The following MUSK variants were observed in gnomAD, a reference collection of about 807,000 sequenced individuals.
MUSK encodes the protein muscle, skeletal receptor tyrosine-protein kinase.
MUSK carries 55 observed loss-of-function variants against 88.7 expected under a neutral mutation model. The observed-to-expected ratio is 0.62, with a 90% CI of 0.50 to 0.78. The LOEUF (loss-of-function observed/expected upper bound fraction) is 0.78. Among genes scored for constraint, MUSK ranks in the 30% least tolerant of loss-of-function variants. The pLI, the probability that MUSK is intolerant of heterozygous loss-of-function variation, is 0.00. For missense variants in MUSK, 1,015 were observed against 1,074.3 expected (o/e 0.94, Z 0.77); for synonymous variants, 387 against 391.9 (o/e 0.99, Z 0.15).
chr9:110,730,078 C>T (rs1047885636), intron 5 of MUSK, among the ~76,000 whole-genome samples: 1 of 152,052 alleles, frequency 6.6e-6, no homozygotes, highest in African/African-American at 2.4e-5. Context: ...GAATTGCTGG[C>T]TTCTTGAGCC....
At position 110,802,152 on chromosome 9, in the gene MUSK, G is replaced by A. The variant is rs75072841; in HGVS notation, c.*1164G>A. ...CTTTTAGAAACAAATTCAGTTGGCT[G>A]TAGAATTAATATCGTTCTGCTTAAC... On this transcript the variant is annotated 3_prime_UTR_variant, in exon 15 of 15. Coordinates refer to ENST00000374448, the MANE Select transcript of MUSK (RefSeq NM_005592.4). 6.1e-3 allele frequency among the ~76,000 whole-genome samples: 932 copies of A among 152,126 alleles called. 12 individuals are homozygous for A. Among genetic ancestry groups the A allele is most frequent in the African/African-American group, 0.021 (880 of 41,532 alleles).
chr9:110,676,356 T>TTATATATTATATATA (rs2076029495), intron 1 of MUSK, among the ~76,000 whole-genome samples: 1 of 139,180 alleles, frequency 7.2e-6, no homozygotes, highest in African/African-American at 2.7e-5. Flanking sequence ...ATATTATATA[T>TTATATATTATATATA]TATATATTAT....
At position 110,787,839 on chromosome 9, in the gene MUSK, G is replaced by A. The variant is rs2132035143; in HGVS notation, c.1927+1G>A. ...AACCCTAACATTGTGAAGCTATTAG[G>A]TATGAAAATACAAGTGAGGATATGT... On this transcript the variant is annotated splice_donor_variant, in intron 14 of 14. Coordinates refer to ENST00000374448, the MANE Select transcript of MUSK (RefSeq NM_005592.4). LOFTEE classifies it high-confidence loss of function. The A allele has an allele frequency of 6.2e-7, 1 of 1,609,258 alleles. No homozygotes were observed. The highest frequency in any genetic ancestry group is 1.1e-5 in the South Asian group (1 of 90,034).
chr9:110,717,563 A>G (rs913241331), intron 5 of MUSK, among the ~76,000 whole-genome samples: 2 of 149,866 alleles, frequency 1.3e-5, no homozygotes, highest in Non-Finnish European at 2.9e-5. Flanking sequence ...TCATCATTCA[A>G]TTTTCATGTG....
chr9:110,766,575 T>G (rs2077488383), intron 8 of MUSK, among the ~76,000 whole-genome samples: 1 of 152,244 alleles, frequency 6.6e-6, no homozygotes, highest in Non-Finnish European at 1.5e-5. Flanking sequence ...CTGAATGTAT[T>G]ATATCTCATT....
intron 9 of MUSK, among the ~76,000 whole-genome samples, chr9:110,772,837 C>A (rs1424108797): frequency 6.6e-6 from 1 of 151,920 alleles, no homozygotes; most frequent in Non-Finnish European, 1.5e-5. Context: ...TTTGTTATAT[C>A]TTTTGAAAAA....
intron 5 of MUSK, among the ~76,000 whole-genome samples, chr9:110,712,400 T>C (rs913666674): frequency 6.6e-6 from 1 of 152,140 alleles, no homozygotes; most frequent in African/African-American, 2.4e-5. Flanking sequence ...TTTATGGCCA[T>C]ATCAATATAC....
At chr9:110,669,383 G>A (rs1189318314) in intron 1 of MUSK, among the ~76,000 whole-genome samples, 3 of 152,140 alleles carry the variant, frequency 2.0e-5, no homozygotes, top group Admixed American at 2.0e-4. Context: ...CAGACATCCA[G>A]AGCATTTGCT....
At chr9:110,769,907 A>C (rs1204119348) in intron 9 of MUSK, among the ~76,000 whole-genome samples, 43 of 152,094 alleles carry the variant, frequency 2.8e-4, no homozygotes, top group Admixed American at 2.8e-3. Flanking sequence ...GATTAGAAAA[A>C]TTCTCTGTGT....
In MUSK at chr9:110,803,319, T is replaced by C. The variant is rs2078120662; in HGVS notation, c.*2331T>C. ...CATTTTAGTTTTGCTTTGTTTTGTTTTGTTTTTGAGACGGAGTCTCGCTCT... is the reference window on the plus strand; with the variant it reads ...CATTTTAGTTTTGCTTTGTTTTGTTCTGTTTTTGAGACGGAGTCTCGCTCT... On this transcript the variant is annotated 3_prime_UTR_variant, in exon 15 of 15. Transcript: ENST00000374448. 6.6e-6 allele frequency among the ~76,000 whole-genome samples: 1 copy of C among 152,264 alleles called. No individual in the cohort carries two copies. The highest frequency in any genetic ancestry group is 2.4e-5 in the African/African-American group (1 of 41,470).
intron 1 of MUSK, among the ~76,000 whole-genome samples, chr9:110,669,925 A>G (rs561322604): frequency 1.3e-5 from 2 of 152,266 alleles, no homozygotes; most frequent in East Asian, 3.9e-4. Flanking sequence ...TTTTCCCTTT[A>G]TATTAATCAA....
intron 9 of MUSK, among the ~76,000 whole-genome samples, chr9:110,771,858 T>C (rs909778732): frequency 3.3e-5 from 5 of 152,292 alleles, no homozygotes; most frequent in African/African-American, 1.2e-4. Context: ...CCAATTTTGT[T>C]TGGTATTATA....
intron 7 of MUSK, among the ~76,000 whole-genome samples, chr9:110,758,721 G>A (rs1027685347): frequency 6.6e-6 from 1 of 152,178 alleles, no homozygotes; most frequent in Non-Finnish European, 1.5e-5. Flanking sequence ...CATCAGCAAA[G>A]TTTCAGGGTA....
chr9:110,687,077 G>A, intron 2 of MUSK, 40 bp from the exon 3 acceptor site: 2 of 1,584,916 alleles, frequency 1.3e-6, no homozygotes, highest in African/African-American at 1.3e-5. Context: ...AAAAATCACA[G>A]AGGAAGCACT....
rs765521756 is a variant in MUSK, at chr9:110,668,950, G to C, written c.46G>C (p.Val16Leu). 1.2e-6 allele frequency: 2 copies of C among 1,613,746 alleles called. No homozygotes were observed. The highest frequency in any genetic ancestry group is 1.7e-6 in the Non-Finnish European group (2 of 1,179,728). The change falls in exon 1 of 15, where the codon GTT (valine) becomes CTT (leucine). Residue 16 changes from valine (V) to leucine (L), a missense_variant. By Grantham distance (32) the Val-to-Leu change is conservative. Coordinates refer to ENST00000374448, the MANE Select transcript of MUSK (RefSeq NM_005592.4). ...TCCACTGGTACATATTCTTACTCTGGTTGCCTTCAGCGGAACTGAGAAACT... is the reference window on the plus strand; with the variant it reads ...TCCACTGGTACATATTCTTACTCTGCTTGCCTTCAGCGGAACTGAGAAACT... ...NIPLVHILTL[V>L]AFSGTEKLPK...
intron 6 of MUSK, among the ~76,000 whole-genome samples, chr9:110,742,093 T>A (rs1479366224): frequency 6.6e-6 from 1 of 152,122 alleles, no homozygotes; most frequent in Non-Finnish European, 1.5e-5. Context: ...GTCAATGTGT[T>A]TTTTGGCTCC....
In MUSK at chr9:110,727,643, C is replaced by T. The variant is rs572073817; in HGVS notation, c.629-6608C>T. 144 of 203,068 alleles carry T rather than the reference C, an allele frequency of 7.1e-4. 1 individual carries two copies. Among genetic ancestry groups the T allele is most frequent in the Admixed American group, 5.9e-3 (132 of 22,366 alleles). 12.6% of individuals were successfully genotyped at this position (203,068 alleles called of 1,614,324 possible). On this transcript the variant is annotated intron_variant, in intron 5 of 14. Transcript: ENST00000374448. ...TTGGCACCCATGATGCGGTTGCTGG[C>T]GGAACATTTCCACTGCATGTTCAGG... is the stretch of plus-strand genomic sequence containing the variant.
chr9:110,747,619 T>A, intron 6 of MUSK, 22 bp from the exon 7 acceptor site: 1 of 1,597,842 alleles, frequency 6.3e-7, no homozygotes, highest in Non-Finnish European at 8.6e-7. Context: ...CTGAGTTCTT[T>A]TATTTTCCTT....
At chr9:110,708,337 A>G (rs947186975) in intron 5 of MUSK, among the ~76,000 whole-genome samples, 28 of 152,232 alleles carry the variant, frequency 1.8e-4, no homozygotes, top group African/African-American at 6.7e-4. Flanking sequence ...TTAATATCAC[A>G]AATGCCACAG....
Sources: gnomAD v4.1 joint callset for allele counts (sites outside exome capture counted in the v4.1 genomes callset) on GRCh38, gnomAD v4.1.1 for gene constraint, MANE v1.5 for transcripts, NCBI Gene and HGNC (gene_info 2026-07-23, HGNC 2026-07-21) for gene names.